The following GLIS3 variants were observed in gnomAD, a reference collection of about 807,000 sequenced individuals.
GLIS3 encodes the protein zinc finger protein GLIS3.
Under a neutral mutation model 78.6 loss-of-function variants are expected in GLIS3, and 53 were observed. The ratio of observed to expected loss-of-function variants is 0.67; its 90% CI spans 0.54 to 0.85. The LOEUF (loss-of-function observed/expected upper bound fraction) is 0.85, where lower values mean the gene tolerates loss of function less well. Among genes scored for constraint, GLIS3 ranks in the 40% least tolerant of loss-of-function variants. GLIS3 has a pLI of 0.00. For synonymous variants in GLIS3, 684 were observed against 509.9 expected (o/e 1.34, Z -4.60); for missense variants, 1,703 against 1,231.1 (o/e 1.38, Z -5.74).
At chr9:3,956,530 G>A (rs182226006) in intron 4 of GLIS3, among the ~76,000 whole-genome samples, 1 of 152,300 alleles carries the variant, frequency 6.6e-6, no homozygotes, top group African/African-American at 2.4e-5. Flanking sequence ...AGGGCTTGGA[G>A]ACATCACTCT....
At chr9:4,284,815 G>A (rs551786765) in intron 2 of GLIS3, among the ~76,000 whole-genome samples, 1 of 152,182 alleles carries the variant, frequency 6.6e-6, no homozygotes, top group East Asian at 1.9e-4. Flanking sequence ...CTACTTGGGG[G>A]ACTGAAGCAG....
chr9:3,992,646 CTG>C lies in GLIS3; in HGVS notation c.1711-55459_1711-55458del, dbSNP rs541914696. On this transcript the variant is annotated intron_variant, in intron 4 of 10. Transcript: ENST00000381971. The stretch of plus-strand genomic sequence containing the variant: ...TGGATGATGGACTTATTCAACATAA[CTG>C]TTTTTTCAACTTTTGACAATTTTTT... 9.2e-5 allele frequency among the ~76,000 whole-genome samples: 14 copies of C among 152,322 alleles called. 1 individual carries two copies. The South Asian group carries it at 2.9e-3, about 32-fold the overall frequency.
At chr9:3,910,364 T>C (rs558509486) in intron 6 of GLIS3, among the ~76,000 whole-genome samples, 5 of 152,328 alleles carry the variant, frequency 3.3e-5, no homozygotes, top group African/African-American at 1.2e-4. Context: ...TTTATTTATT[T>C]ATTTTGAGAC....
chr9:4,378,496 A>C, the GLIS3 span, among the ~76,000 whole-genome samples: 3 of 152,192 alleles, frequency 2.0e-5, no homozygotes, highest in African/African-American at 7.2e-5. Context: ...AAGGCCTTAA[A>C]ATATGTTTAT....
At chr9:4,132,475 G>A (rs1011546292) in intron 2 of GLIS3, among the ~76,000 whole-genome samples, 2 of 152,142 alleles carry the variant, frequency 1.3e-5, no homozygotes, top group African/African-American at 4.8e-5. Context: ...TGTATCCACT[G>A]GTTTTAAAAA....
At chr9:3,860,265 ACT>A (rs1391875660) in intron 8 of GLIS3, among the ~76,000 whole-genome samples, 4 of 112,904 alleles carry the variant, frequency 3.5e-5, no homozygotes, top group African/African-American at 7.2e-5. Flanking sequence ...ACAGAGCAAG[ACT>A]CTGTCAAAAA....
At chr9:4,193,569 G>T (rs778250267) in intron 2 of GLIS3, among the ~76,000 whole-genome samples, 2 of 152,220 alleles carry the variant, frequency 1.3e-5, no homozygotes, top group Non-Finnish European at 2.9e-5. Flanking sequence ...GTGGTAACAG[G>T]AATGCAAAGG....
intron 2 of GLIS3, among the ~76,000 whole-genome samples, chr9:4,173,482 A>G (rs944946559): frequency 3.3e-5 from 5 of 152,222 alleles, no homozygotes; most frequent in South Asian, 4.1e-4. Flanking sequence ...AAATTTCAAC[A>G]AAGTATTTCA....
upstream of GLIS3, among the ~76,000 whole-genome samples, chr9:4,300,126 G>T (rs1413288470): frequency 6.6e-6 from 1 of 151,784 alleles, no homozygotes; most frequent in African/African-American, 2.4e-5. Flanking sequence ...GCCGGAGGGG[G>T]AGGGGGAAGA....
Position 3,946,061 on chromosome 9 carries a change from C to T in GLIS3, c.1711-8872G>A, listed in dbSNP as rs1003600191. Among the ~76,000 whole-genome samples the T allele has an allele frequency of 5.3e-5, 8 of 152,362 alleles. No homozygotes were observed. In the East Asian group the frequency reaches 1.2e-3, roughly 22 times the overall value. ...ACTTCCTGTGCCTGGTAACATCCTA[C>T]TGACCCTTTAGCTTGGTGCCATCTC... On this transcript the variant is annotated intron_variant, in intron 4 of 10. Transcript: ENST00000381971.
intron 7 of GLIS3, 183 bp downstream of exon 7, chr9:3,898,508 A>AT: frequency 1.4e-6 from 1 of 702,736 alleles, no homozygotes; most frequent in Non-Finnish European, 2.6e-6. Flanking sequence ...TTTATGAGAA[A>AT]AAACAATCTG....
chr9:3,872,545 G>T (rs576433826), intron 8 of GLIS3, among the ~76,000 whole-genome samples: 1 of 152,188 alleles, frequency 6.6e-6, no homozygotes, highest in Non-Finnish European at 1.5e-5. Flanking sequence ...CAGGCAAAGA[G>T]AATGAGGAAG....
At chr9:3,871,455 CCCTGCAGCAAACT>C in intron 8 of GLIS3, among the ~76,000 whole-genome samples, 4 of 152,252 alleles carry the variant, frequency 2.6e-5, no homozygotes, top group African/African-American at 9.6e-5. Context: ...AGAGCTGTGC[CCCTGCAGCAAACT>C]TCTGCCTGGG....
intron 2 of GLIS3, among the ~76,000 whole-genome samples, chr9:4,200,831 G>A (rs189262679): frequency 4.1e-4 from 62 of 152,150 alleles, no homozygotes; most frequent in Non-Finnish European, 7.9e-4. Context: ...TGCCTAACTC[G>A]TTCTATGATG....
Position 4,045,962 on chromosome 9 carries a change from T to A in GLIS3, c.1710+71806A>T, listed in dbSNP as rs141152827. Among the ~76,000 whole-genome samples the A allele has an allele frequency of 8.2e-3, 1,254 of 152,292 alleles. 17 individuals carry two copies. The highest frequency in any genetic ancestry group is 0.028 in the African/African-American group (1,173 of 41,562). On this transcript the variant is annotated intron_variant, in intron 4 of 10. Transcript: ENST00000381971. Reference sequence around the variant, plus strand: ...CCTTGGGAGATCGGGGGGGAAATCATAAATGGTTTATTAGGCTGCTCATGA... The same window carrying A: ...CCTTGGGAGATCGGGGGGGAAATCAAAAATGGTTTATTAGGCTGCTCATGA...
chr9:4,459,682 T>TTGAGCCCAGGAGGTCAAGTGAACCA, the GLIS3 span, among the ~76,000 whole-genome samples: 14 of 152,240 alleles, frequency 9.2e-5, no homozygotes, highest in East Asian at 3.9e-4. Context: ...GAAGGGCTGC[T>TTGAGCCCAGGAGGTCAAGTGAACCA]TGAGCCCAGG....
upstream of GLIS3, among the ~76,000 whole-genome samples, chr9:4,352,784 T>C (rs1454271413): frequency 1.3e-5 from 2 of 152,240 alleles, no homozygotes; most frequent in African/African-American, 4.8e-5. Flanking sequence ...AAATACAGAA[T>C]TGGTCATAAA....
the GLIS3 span, among the ~76,000 whole-genome samples, chr9:4,359,289 T>A: frequency 6.6e-6 from 1 of 152,090 alleles, no homozygotes; most frequent in Non-Finnish European, 1.5e-5. Context: ...GGAACTGGCA[T>A]ATGGCTCATC....
At chr9:4,452,283 C>G in the GLIS3 span, among the ~76,000 whole-genome samples, 1 of 152,302 alleles carries the variant, frequency 6.6e-6, no homozygotes, top group South Asian at 2.1e-4. Context: ...TGTCCTCTCT[C>G]ACCACCCTTA....
Sources: gnomAD v4.1 joint callset for allele counts (sites outside exome capture counted in the v4.1 genomes callset) on GRCh38, gnomAD v4.1.1 for gene constraint, MANE v1.5 for transcripts, NCBI Gene and HGNC (gene_info 2026-07-23, HGNC 2026-07-21) for gene names.